The following LRCH2 variants were observed in gnomAD, a reference collection of about 807,000 sequenced individuals.
LRCH2 encodes the protein leucine rich repeats and calponin homology domain containing 2, also known as leucine-rich repeat and calponin homology domain-containing protein 2.
Under a neutral mutation model 68.9 loss-of-function variants are expected in LRCH2, and 38 were observed. The ratio of observed to expected loss-of-function variants is 0.55; its 90% confidence interval spans 0.43 to 0.72. LRCH2 has a LOEUF of 0.72. Among genes scored for constraint, LRCH2 ranks in the 30% least tolerant of loss-of-function variants. LRCH2 has a pLI of 0.00. For missense variants in LRCH2, 528 were observed against 572.9 expected, an observed-to-expected ratio of 0.92 and a Z score of 0.80; for synonymous variants, 191 against 208.1, an observed-to-expected ratio of 0.92 and a Z score of 0.71.
At chrX:115,143,324 G>A (rs187717692) in intron 14 of LRCH2, among the ~76,000 whole-genome samples, 298 of 110,944 alleles carry the variant, frequency 2.7e-3, no homozygotes, top group African/African-American at 8.9e-3. Context: ...ACAGAAATTC[G>A]AAGGGCCACT....
chrX:115,143,426 A>C (rs2072355927), intron 14 of LRCH2, among the ~76,000 whole-genome samples: 1 of 111,562 alleles, frequency 9.0e-6, no homozygotes, highest in South Asian at 3.7e-4. Flanking sequence ...CCAAAATTGG[A>C]TCATGAAGAA....
intron 20 of LRCH2, among the ~76,000 whole-genome samples, chrX:115,117,525 A>C (rs1000400726): frequency 5.9e-4 from 66 of 111,606 alleles, no homozygotes; most frequent in African/African-American, 2.0e-3. Flanking sequence ...AGCAGCCGCT[A>C]AAACTGGAAA....
chrX:115,173,473 T>G (rs1197724683), intron 5 of LRCH2, among the ~76,000 whole-genome samples: 2 of 111,932 alleles, frequency 1.8e-5, no homozygotes, highest in Non-Finnish European at 3.8e-5. Context: ...GCTATTTAGA[T>G]AAACTCCCTT....
intron 14 of LRCH2, among the ~76,000 whole-genome samples, chrX:115,140,244 G>C (rs1296345090): frequency 9.0e-6 from 1 of 111,171 alleles, no homozygotes; most frequent in African/African-American, 3.3e-5. Flanking sequence ...GACATTACTA[G>C]ACATATACCC....
chrX:115,233,368 A>T (rs782704514), intron 1 of LRCH2, among the ~76,000 whole-genome samples: 98 of 112,063 alleles, frequency 8.7e-4, no homozygotes, highest in African/African-American at 3.0e-3. Context: ...AAAGACGGGA[A>T]GATCCAGGAG....
At position 115,183,704 on chromosome X, in the gene LRCH2, C is replaced by T. The variant is rs1343638102; in HGVS notation, c.621+707G>A. On this transcript the variant is annotated intron_variant, in intron 3 of 20. Coordinates refer to ENST00000317135, the MANE Select transcript of LRCH2 (RefSeq NM_020871.4). ...GCGAGACTCTATCACAAAAAAAAAA[C>T]TTTAAAAATACCTGTTTATTAGGAA... Among the ~76,000 whole-genome samples, 3 of 110,839 alleles carry T rather than the reference C, an allele frequency of 2.7e-5. No individual in the cohort carries two copies. The Admixed American group carries it at 2.9e-4, about 11-fold the overall frequency.
intron 14 of LRCH2, among the ~76,000 whole-genome samples, chrX:115,135,122 CTTTTTTT>C (rs35620352): frequency 2.3e-5 from 2 of 88,220 alleles, no homozygotes; most frequent in South Asian, 1.1e-3. Context: ...TCTTTTCTTT[CTTTTTTT>C]TTTTTTTTTT....
intron 1 of LRCH2, among the ~76,000 whole-genome samples, chrX:115,197,177 A>G (rs983283188): frequency 6.2e-5 from 7 of 112,139 alleles, no homozygotes; most frequent in African/African-American, 2.3e-4. Flanking sequence ...TTTTAAAAAG[A>G]TGTAACTATG....
chrX:115,182,831 CAAAA>C (rs1164477909), intron 3 of LRCH2, among the ~76,000 whole-genome samples: 1 of 26,280 alleles, frequency 3.8e-5, no homozygotes, highest in African/African-American at 1.3e-4. Context: ...AACTTCGTCT[CAAAA>C]AAAAAAAAAA....
rs201501183 is a variant in LRCH2 at position 115,189,569 on chromosome X, G to A, written c.350-1199C>T. Reference sequence around the variant, plus strand: ...ATCAAGGTGTTCCTGATGAAAGACCGAAAAACCAACAAGTCGAGGGGCTTC... The same window carrying A: ...ATCAAGGTGTTCCTGATGAAAGACCAAAAAACCAACAAGTCGAGGGGCTTC... On this transcript the variant is annotated intron_variant, in intron 1 of 20. Coordinates refer to ENST00000317135, the MANE Select transcript of LRCH2 (RefSeq NM_020871.4). 7.8e-4 allele frequency: 917 copies of A among 1,173,203 alleles called. 3 individuals are homozygous for A. The South Asian group carries it at 9.9e-3, about 13-fold the overall frequency.
rs193263365 is a variant in LRCH2, at chrX:115,112,558, T to C, written c.*658A>G. On this transcript the variant is annotated 3_prime_UTR_variant, in exon 21 of 21. Coordinates refer to ENST00000317135, the MANE Select transcript of LRCH2 (RefSeq NM_020871.4). Reference sequence around the variant, plus strand: ...AAAATCTACTAAAATATTTTAAAGTTCCATTGACTCTATTAATACATTTAA... The same window carrying C: ...AAAATCTACTAAAATATTTTAAAGTCCCATTGACTCTATTAATACATTTAA... 1.3e-4 allele frequency: 15 copies of C among 111,689 alleles called. No individual in the cohort carries two copies. Among genetic ancestry groups the C allele is most frequent in the African/African-American group, 4.2e-4 (13 of 30,819 alleles). 9.2% of individuals were successfully genotyped at this position (111,689 alleles called of 1,213,427 possible).
intron 14 of LRCH2, among the ~76,000 whole-genome samples, chrX:115,146,294 G>A (rs1001889035): frequency 2.7e-5 from 3 of 111,224 alleles, no homozygotes; most frequent in Non-Finnish European, 5.7e-5. Context: ...GGGTAGTGGG[G>A]GAGTAGAGGG....
At chrX:115,118,438 T>G (rs5988224) in intron 20 of LRCH2, among the ~76,000 whole-genome samples, 32,823 of 106,513 alleles carry the variant, frequency 0.31, 4,884 homozygotes, top group African/African-American at 0.51. Context: ...TAAATTCCTC[T>G]ACACATACAC....
At position 115,128,907 on chromosome X, in the gene LRCH2, G is replaced by T. The variant is rs2072220425; in HGVS notation, c.1740+1248C>A. On this transcript the variant is annotated intron_variant, in intron 15 of 20. Transcript: ENST00000317135. ...TGTCAATTAAATTATAATATCTAGG[G>T]GGTGTGACCCAGGCGACAGTATTGT... 3.6e-5 allele frequency among the ~76,000 whole-genome samples: 4 copies of T among 111,641 alleles called. No homozygotes were observed. In the Admixed American group the frequency reaches 3.8e-4, roughly 11 times the overall value.
intron 1 of LRCH2, among the ~76,000 whole-genome samples, chrX:115,199,103 G>A (rs781809103): frequency 4.5e-5 from 5 of 111,856 alleles, no homozygotes; most frequent in African/African-American, 9.8e-5. Context: ...AAGTAAAAGC[G>A]ATATTCATCA....
At chrX:115,188,588 T>G (rs984426660) in intron 1 of LRCH2, among the ~76,000 whole-genome samples, 1 of 112,246 alleles carries the variant, frequency 8.9e-6, no homozygotes. Flanking sequence ...ACCAGCACTT[T>G]GGGAGGCCAA....
chrX:115,223,798 C>T (rs1478478636), intron 1 of LRCH2, among the ~76,000 whole-genome samples: 2 of 108,767 alleles, frequency 1.8e-5, no homozygotes, highest in South Asian at 4.1e-4. Flanking sequence ...TGGTGGCACA[C>T]GCCTGTAATC....
intron 20 of LRCH2, among the ~76,000 whole-genome samples, chrX:115,119,163 G>C (rs1203057769): frequency 1.1e-4 from 12 of 109,847 alleles, no homozygotes; most frequent in Non-Finnish European, 2.3e-4. Flanking sequence ...TGGAAGTTCT[G>C]GCCAGGGCAA....
At chrX:115,202,331 T>G (rs1476446327) in intron 1 of LRCH2, among the ~76,000 whole-genome samples, 4 of 110,969 alleles carry the variant, frequency 3.6e-5, no homozygotes, top group African/African-American at 1.3e-4. Context: ...GGTGTATACA[T>G]AGATATAGAG....
Sources: gnomAD v4.1 joint callset for allele counts (sites outside exome capture counted in the v4.1 genomes callset) on GRCh38, gnomAD v4.1.1 for gene constraint, MANE v1.5 for transcripts, NCBI Gene and HGNC (gene_info 2026-07-23, HGNC 2026-07-21) for gene names.